The following EVPL variants were observed in gnomAD, a reference collection of about 807,000 sequenced individuals.
The protein encoded by EVPL is envoplakin.
A neutral mutation model predicts 129.7 loss-of-function variants in EVPL; 94 were observed. The ratio of observed to expected loss-of-function variants is 0.72; its 90% CI spans 0.61 to 0.86. The LOEUF is 0.86. Ranked by LOEUF, EVPL falls within the 40% of genes least tolerant of loss-of-function variation. The pLI is 0.00. For missense variants in EVPL, 2,625 were observed against 2,721.1 expected (o/e 0.96, Z 0.79); for synonymous variants, 1,172 against 1,191.1 (o/e 0.98, Z 0.33).
In EVPL at chr17:76,007,882, C is replaced by A; in HGVS notation, c.5323G>T (p.Glu1775Ter). Reference sequence around the variant, plus strand: ...TCCCCAGCTACAAGCAGCGCAAACTCGGAGATGGGCAGGTGGCCGTCCTTG... The same window carrying A: ...TCCCCAGCTACAAGCAGCGCAAACTAGGAGATGGGCAGGTGGCCGTCCTTG... ...LYKDGHLPIS[E>*]FALLVAGETK... Residue 1775 changes from glutamate to a stop codon, truncating the protein, a stop_gained, in exon 22 of 22, where the codon GAG becomes TAG. Transcript: ENST00000301607. LOFTEE classifies it low-confidence loss of function (END_TRUNC). This position sits in a 1 kb window ranked among gnomAD's most constrained non-coding sequence, Gnocchi z 8.8. 6.2e-7 allele frequency: 1 copy of A among 1,613,992 alleles called. No individual in the cohort carries two copies. The highest frequency in any genetic ancestry group is 2.2e-5 in the East Asian group (1 of 44,870).
intron 1 of EVPL, among the ~76,000 whole-genome samples, chr17:76,025,069 C>T (rs1371932666): frequency 6.6e-6 from 1 of 152,168 alleles, no homozygotes; most frequent in African/African-American, 2.4e-5. Flanking sequence ...GCCAAGACAC[C>T]CTGGTTTCAT....
At chr17:76,021,602 C>CCCG in intron 8 of EVPL, 39 bp from the exon 9 acceptor site, 2 of 1,446,252 alleles carry the variant, frequency 1.4e-6, no homozygotes, top group East Asian at 5.3e-5. Context: ...CCACGCCCCC[C>CCCG]CCACGTCCGC....
chr17:76,018,893 G>T (rs769146391), intron 11 of EVPL, 21 bp downstream of exon 11: 4 of 1,511,886 alleles, frequency 2.6e-6, no homozygotes, highest in East Asian at 4.8e-5. Context: ...GGTGGCAGGG[G>T]TGAGGTGGGG....
At position 76,009,760 on chromosome 17, in the gene EVPL, G is replaced by A; in HGVS notation, c.3445C>T (p.Leu1149Phe). The change falls in exon 22 of 22, where the codon CTC becomes TTC. Residue 1149 changes from leucine (L) to phenylalanine (F), a missense_variant. This residue lies in a region of EVPL where 1,453 missense variants were observed against 1,511.8 expected (regional missense o/e 0.96). Coordinates refer to ENST00000301607, the MANE Select transcript of EVPL (RefSeq NM_001988.4). This position sits in a 1 kb window ranked among gnomAD's most constrained non-coding sequence, Gnocchi z 5.9. ...VKKVEQDPGL[L>F]QESSRLRSLL... ...CTCCTCAGCCTGGAGGACTCCTGGAGGAGCCCTGGGTCCTGCTCCACCTTC... is the reference window on the plus strand; with the variant it reads ...CTCCTCAGCCTGGAGGACTCCTGGAAGAGCCCTGGGTCCTGCTCCACCTTC... 2.5e-6 allele frequency: 4 copies of A among 1,613,802 alleles called. No homozygotes were observed. Among genetic ancestry groups the A allele is most frequent in the African/African-American group, 2.7e-5 (2 of 75,028 alleles).
rs2066341319 is a variant in EVPL at position 76,008,405 on chromosome 17, C to CT, written c.4799_4800insA (p.Ala1601GlyfsTer122). On this transcript the variant is annotated frameshift_variant, in exon 22 of 22. Transcript: ENST00000301607. LOFTEE classifies it low-confidence loss of function (END_TRUNC). This position sits in a 1 kb window ranked among gnomAD's most constrained non-coding sequence, Gnocchi z 7.4. ...GCTGCTGCTTCTGCCTCTCCAGAGC[C>CT]CGCAGCTCCTGCTGCAGCCGCCCAC... The CT allele has an allele frequency of 6.3e-6, 10 of 1,594,034 alleles. No individual in the cohort carries two copies. The highest frequency in any genetic ancestry group is 7.7e-6 in the Non-Finnish European group (9 of 1,176,104).
rs772920852 is a variant in EVPL, at chr17:76,019,342, C to T, written c.1137+186G>A. 1.2e-4 allele frequency among the ~76,000 whole-genome samples: 18 copies of T among 152,134 alleles called. No homozygotes were observed. The East Asian group carries it at 1.7e-3, about 15-fold the overall frequency. On this transcript the variant is annotated intron_variant, in intron 10 of 21. Coordinates refer to ENST00000301607, the MANE Select transcript of EVPL (RefSeq NM_001988.4). The stretch of plus-strand genomic sequence containing the variant: ...GTCCCACTGCAAATGAGGAAACTGA[C>T]GTCCAGAAGTGGGAGGAGCTTGCTG...
Position 76,015,311 on chromosome 17 carries a change from G to T in EVPL, c.1944C>A (p.Ile648=). The change falls in exon 16 of 22, where the codon ATC becomes ATA. Residue 648 remains isoleucine, a synonymous_variant. Coordinates refer to ENST00000301607, the MANE Select transcript of EVPL (RefSeq NM_001988.4). ...ERQIQDADRV[I]RGFEATLVQE... ...GCACCAGGGTGGCCTCGAAGCCTCGGATGACCCTGTCCGCATCCTGGATCT... is the reference window on the plus strand; with the variant it reads ...GCACCAGGGTGGCCTCGAAGCCTCGTATGACCCTGTCCGCATCCTGGATCT... 1 of 1,603,242 alleles carries T rather than the reference G, an allele frequency of 6.2e-7. No individual in the cohort carries two copies.
At position 76,014,444 on chromosome 17, in the gene EVPL, G is replaced by A; in HGVS notation, c.2355C>T (p.Tyr785=). Residue 785 remains tyrosine (Y), a synonymous_variant, in exon 18 of 22, where the codon TAC becomes TAT. Coordinates refer to ENST00000301607, the MANE Select transcript of EVPL (RefSeq NM_001988.4). ...GCCTCACCTTCTGCGCCTGCAGCTT[G>A]TAGGCGATCTGGCTGGGGCCGTCGC... is the stretch of plus-strand genomic sequence containing the variant. The part of the protein sequence containing the change: ...RPSDGPSQIA[Y]KLQAQKRLTQ... The A allele has an allele frequency of 6.2e-7, 1 of 1,610,480 alleles. No homozygotes were observed. The highest frequency in any genetic ancestry group is 8.5e-7 in the Non-Finnish European group (1 of 1,178,906).
At chr17:76,019,297 A>T (rs577474769) in intron 10 of EVPL, among the ~76,000 whole-genome samples, 5 of 152,182 alleles carry the variant, frequency 3.3e-5, no homozygotes, top group Admixed American at 3.3e-4. Flanking sequence ...CAGGCCTCAG[A>T]GCTCTCCCAG....
At position 76,015,207 on chromosome 17, in the gene EVPL, G is replaced by C. The variant is rs2066409536; in HGVS notation, c.2028+20C>G. ...ATGCTGGGTTCCCCTGACACCAGGA[G>C]GCCCCGGCTGGTCCCTTACCTGCAG... On this transcript the variant is annotated intron_variant, in intron 16 of 21. Transcript: ENST00000301607. The C allele has an allele frequency of 6.4e-7, 1 of 1,571,438 alleles. No individual in the cohort carries two copies. The highest frequency in any genetic ancestry group is 8.6e-7 in the Non-Finnish European group (1 of 1,159,492).
In EVPL at chr17:76,011,874, C is replaced by T; in HGVS notation, c.2466G>A (p.Glu822=). 1 of 1,613,388 alleles carries T rather than the reference C, an allele frequency of 6.2e-7. No individual in the cohort carries two copies. The highest frequency in any genetic ancestry group is 1.1e-5 in the South Asian group (1 of 91,010). ...AGCAGCGGTAGGTGTCTGCCTGGAG[C>T]TCATAGTCCTGAGCAGGGAGGAAAG... ...QALQAALQDY[E]LQADTYRCSL... is the part of the protein sequence containing the mutation. The change falls in exon 20 of 22, where the codon GAG becomes GAA. Residue 822 remains glutamate, a synonymous_variant. Coordinates refer to ENST00000301607, the MANE Select transcript of EVPL (RefSeq NM_001988.4).
chr17:76,019,713 C>T, intron 9 of EVPL, 60 bp from the exon 10 acceptor site: 1 of 1,563,788 alleles, frequency 6.4e-7, no homozygotes, highest in Non-Finnish European at 8.6e-7. Flanking sequence ...ACTGACCCTA[C>T]AAACCAGCTG....
At position 76,027,151 on chromosome 17, in the gene EVPL, C is replaced by T. The variant is rs539529080; in HGVS notation, c.48G>A (p.Lys16=). 4 of 1,574,674 alleles carry T rather than the reference C, an allele frequency of 2.5e-6. No homozygotes were observed. Among genetic ancestry groups the T allele is most frequent in the Non-Finnish European group, 3.4e-6 (4 of 1,165,114 alleles). ...SKGSQGKGSP[K]GSPAKGSPKG... is the part of the protein sequence containing the mutation. ...TGGGGGACCCCTTGGCGGGGGAGCC[C>T]TTGGGGGACCCCTTCCCCTGGGAGC... The change falls in exon 1 of 22, where the codon AAG becomes AAA. Residue 16 remains lysine, a synonymous_variant. Transcript: ENST00000301607.
chr17:76,017,891 C>T lies in EVPL; in HGVS notation c.1558G>A (p.Ala520Thr), dbSNP rs760750189. The T allele has an allele frequency of 1.2e-6, 2 of 1,613,956 alleles. No homozygotes were observed. The highest frequency in any genetic ancestry group is 1.7e-6 in the Non-Finnish European group (2 of 1,180,044). The change falls in exon 14 of 22, where the codon GCC becomes ACC. Residue 520 changes from alanine to threonine, a missense_variant. By Grantham distance (58) the Ala-to-Thr change is moderately conservative. This residue lies in a region of EVPL where 1,024 missense variants were observed against 997.5 expected (regional missense o/e 1.03). Coordinates refer to ENST00000301607, the MANE Select transcript of EVPL (RefSeq NM_001988.4). ...SQQAPSGSDLANPQAQKLLTQ... is the reference protein window; with the variant it reads ...SQQAPSGSDLTNPQAQKLLTQ... ...AGGAGCTTCTGGGCCTGTGGGTTGG[C>T]CAGGTCTGAGCCAGATGGAGCTGGG...
chr17:76,025,768 G>C lies in EVPL; in HGVS notation c.98+1333C>G, dbSNP rs113132826. Among the ~76,000 whole-genome samples the C allele has an allele frequency of 7.9e-3, 1,199 of 152,306 alleles. 14 individuals are homozygous for C. Among genetic ancestry groups the C allele is most frequent in the African/African-American group, 0.027 (1,142 of 41,564 alleles). ...AGCCTTTCATCCCTGAGGTCATCTC[G>C]ACACCCTGGACCCAGGCGGGCTGCT... is the stretch of plus-strand genomic sequence containing the variant. On this transcript the variant is annotated intron_variant, in intron 1 of 21. Transcript: ENST00000301607.
In EVPL at chr17:76,018,431, C is replaced by T; in HGVS notation, c.1439+15G>A. ...TGCCCACAGCCTGCCCCTGAGTATCCCTACACAGACCTACCGGGAGGCCCT... is the reference window on the plus strand; with the variant it reads ...TGCCCACAGCCTGCCCCTGAGTATCTCTACACAGACCTACCGGGAGGCCCT... On this transcript the variant is annotated intron_variant, in intron 12 of 21. Coordinates refer to ENST00000301607, the MANE Select transcript of EVPL (RefSeq NM_001988.4). 6.2e-7 allele frequency: 1 copy of T among 1,607,794 alleles called. No homozygotes were observed.
At position 76,018,446 on chromosome 17, in the gene EVPL, C is replaced by A. The variant is rs759878562; in HGVS notation, c.1439G>T (p.Arg480Leu). The A allele has an allele frequency of 4.3e-6, 7 of 1,610,754 alleles. No individual in the cohort carries two copies. The highest frequency in any genetic ancestry group is 5.9e-6 in the Non-Finnish European group (7 of 1,179,178). ...PDPDAVARAS[R>L]LASELQALKQ... ...CCTGAGTATCCCTACACAGACCTAC[C>A]GGGAGGCCCTGGCCACAGCATCAGG... Residue 480 changes from arginine (R) to leucine (L), a missense_variant and splice_region_variant, in exon 12 of 22, where the codon CGG (arginine) becomes CTG (leucine). Coordinates refer to ENST00000301607, the MANE Select transcript of EVPL (RefSeq NM_001988.4).
Position 76,022,616 on chromosome 17 carries a change from G to A in EVPL, c.481-78C>T. 3 of 1,508,198 alleles carry A rather than the reference G, an allele frequency of 2.0e-6. No homozygotes were observed. The highest frequency in any genetic ancestry group is 2.7e-6 in the Non-Finnish European group (3 of 1,127,428). 93.4% of individuals were successfully genotyped at this position (1,508,198 alleles called of 1,614,324 possible). On this transcript the variant is annotated intron_variant, in intron 4 of 21. Coordinates refer to ENST00000301607, the MANE Select transcript of EVPL (RefSeq NM_001988.4). The surrounding 1 kb of genome is among the most constrained non-coding windows in gnomAD (Gnocchi z 5.6). ...GAACCCCACACGCCTCCCACCCGGA[G>A]AAGTGGACTTGGTCATTTGGGCAGA... is the stretch of plus-strand genomic sequence containing the variant.
chr17:76,008,341 G>A lies in EVPL; in HGVS notation c.4864C>T (p.Gln1622Ter), dbSNP rs1409904679. ...QLQEESKLLS[Q>*]KTESERQKAA... ...TTCTGTCGCTCGCTCTCCGTCTTCT[G>A]GCTGAGCAGCTTCGACTCCTCCTGC... is the stretch of plus-strand genomic sequence containing the variant. Residue 1622 changes from glutamine (Q) to a stop codon, truncating the protein, a stop_gained, in exon 22 of 22, where the codon CAG (glutamine) becomes TAG (stop). Transcript: ENST00000301607. LOFTEE classifies it high-confidence loss of function. This position sits in a 1 kb window ranked among gnomAD's most constrained non-coding sequence, Gnocchi z 7.4. 3.7e-6 allele frequency: 6 copies of A among 1,604,974 alleles called. No individual in the cohort carries two copies. In the Admixed American group the frequency reaches 6.7e-5, roughly 18 times the overall value.
Sources: allele counts gnomAD v4.1 joint callset (sites outside exome capture counted in the v4.1 genomes callset), GRCh38; gene constraint gnomAD v4.1.1; regional missense constraint gnomAD v4.1.1; non-coding constraint Gnocchi (gnomAD v3.1); transcripts MANE v1.5; gene names NCBI Gene and HGNC (gene_info 2026-07-23, HGNC 2026-07-21).